PCF11: variants seen among roughly 807,000 people sequenced by gnomAD.
PCF11 encodes PCF11 cleavage and polyadenylation factor subunit, also known as pre-mRNA cleavage complex 2 protein Pcf11.
PCF11 carries 19 observed loss-of-function variants against 166.1 expected under a neutral mutation model. The observed-to-expected ratio is 0.11, with a 90% CI of 0.08 to 0.17. The LOEUF is 0.17. Ranked by LOEUF, PCF11 falls within the 10% of genes least tolerant of loss-of-function variation. The pLI is 1.00. For missense variants in PCF11, 1,565 were observed against 1,855.5 expected, an observed-to-expected ratio of 0.84 and a Z score of 2.88; for synonymous variants, 663 against 644.1, an observed-to-expected ratio of 1.03 and a Z score of -0.44.
rs1299025180 is a variant in PCF11, at chr11:83,164,136, T to C, written c.508-71T>C. On this transcript the variant is annotated intron_variant, in intron 3 of 15. Transcript: ENST00000298281. ...ATTTGGATCATATTAAGAGTTAAGC[T>C]GATAATTTTTACTCCCTAGCTTCCG... The C allele has an allele frequency of 8.7e-6, 9 of 1,032,354 alleles. No homozygotes were observed. The Admixed American group carries it at 1.1e-4, about 13-fold the overall frequency. 63.9% of individuals were successfully genotyped at this position (1,032,354 alleles called of 1,614,324 possible). A position where few individuals can be genotyped will look rare whatever the true frequency, so the allele number is the denominator to read the frequency against.
chr11:83,157,190 C>G (rs1475802157), exon 1 of PCF11: 1 of 575,576 alleles, frequency 1.7e-6, no homozygotes, highest in South Asian at 2.2e-5. Flanking sequence ...ACTGCCGCCG[C>G]CATTTTGTGT....
At chr11:83,164,784 G>C (rs764025361) in intron 4 of PCF11, among the ~76,000 whole-genome samples, 1 of 152,026 alleles carries the variant, frequency 6.6e-6, no homozygotes, top group Non-Finnish European at 1.5e-5. Context: ...GGCTGAGTTG[G>C]AAGGATCACT....
chr11:83,171,937 T>G lies in PCF11; in HGVS notation c.3757+23T>G, dbSNP rs775280901. 4 of 1,102,096 alleles carry G rather than the reference T, an allele frequency of 3.6e-6. No individual in the cohort carries two copies. The East Asian group carries it at 9.4e-5, about 26-fold the overall frequency. The allele number at this position is 1,102,096 out of a possible 1,614,324, so 68.3% of individuals were successfully genotyped here. ...CAGGTATGTACTTTCTGAACTTTGT[T>G]TTTCAAAAGACAAATGATTATTGTT... On this transcript the variant is annotated intron_variant, in intron 9 of 15. Transcript: ENST00000298281.
chr11:83,161,949 G>A (rs1013119649), intron 2 of PCF11, among the ~76,000 whole-genome samples: 2 of 152,164 alleles, frequency 1.3e-5, no homozygotes, highest in Non-Finnish European at 2.9e-5. Flanking sequence ...TTCAAGGTAT[G>A]TTTTAGGTGA....
chr11:83,159,199 CT>C (rs200191207), intron 1 of PCF11, among the ~76,000 whole-genome samples: 29 of 148,528 alleles, frequency 2.0e-4, no homozygotes, highest in South Asian at 4.3e-4. Flanking sequence ...TGTAAAACAG[CT>C]TTTTTTTTTA....
chr11:83,173,719 C>CTTTTTTTTTTTTTTTT (rs869126679), intron 9 of PCF11, among the ~76,000 whole-genome samples: 1 of 59,060 alleles, frequency 1.7e-5, no homozygotes, highest in Non-Finnish European at 3.0e-5. Flanking sequence ...TTCTTTCTTT[C>CTTTTTTTTTTTTTTTT]TTTTTTTTTT....
exon 10 of PCF11, chr11:83,177,090 C>T (rs931951034): frequency 2.0e-6 from 3 of 1,486,400 alleles, no homozygotes; most frequent in Non-Finnish European, 2.7e-6. Context: ...GTTAGGAGCC[C>T]TCCCTAAGGC....
At chr11:83,165,462 AT>A (rs755020779) in intron 4 of PCF11, 137 bp from the exon 5 acceptor site, 65 of 601,278 alleles carry the variant, frequency 1.1e-4, no homozygotes, top group Non-Finnish European at 1.5e-4. Context: ...CAATTTATAC[AT>A]TATAAGTGTA....
chr11:83,184,649 T>C (rs375853064), intron 15 of PCF11, 30 bp from the exon 16 acceptor site: 1 of 1,471,464 alleles, frequency 6.8e-7, no homozygotes, highest in Non-Finnish European at 9.4e-7. Context: ...TGAACTTTCA[T>C]CAGTACTCAT....
chr11:83,168,489 T>C (rs755705488), exon 8 of PCF11: 49 of 1,613,378 alleles, frequency 3.0e-5, no homozygotes, highest in African/African-American at 2.8e-4. Context: ...GACCTCGATA[T>C]GAAGATTCAG....
At chr11:83,163,641 G>T in intron 2 of PCF11, 38 bp from the exon 3 acceptor site, 1 of 760,388 alleles carries the variant, frequency 1.3e-6, no homozygotes, top group Non-Finnish European at 1.9e-6. Context: ...ATATTCTATA[G>T]TAACTTAACA....
At chr11:83,184,973 A>G in exon 16 of PCF11, 1 of 867,190 alleles carries the variant, frequency 1.2e-6, no homozygotes, top group Non-Finnish European at 1.8e-6. Flanking sequence ...TTTTATGTAT[A>G]TATAGACATA....
chr11:83,173,101 A>G (rs188667019), intron 9 of PCF11, among the ~76,000 whole-genome samples: 1 of 152,364 alleles, frequency 6.6e-6, no homozygotes, highest in African/African-American at 2.4e-5. Context: ...CTACTATGTT[A>G]CTTTATAAAT....
chr11:83,180,009 T>G (rs1410135539), intron 11 of PCF11: 1 of 152,162 alleles, frequency 6.6e-6, no homozygotes, highest in Non-Finnish European at 1.5e-5. Flanking sequence ...TTTTTTATTA[T>G]TCAGTATTAA....
exon 5 of PCF11, chr11:83,166,399 G>A (rs761582584): frequency 4.3e-6 from 7 of 1,613,772 alleles, no homozygotes; most frequent in South Asian, 3.3e-5. Flanking sequence ...AGAGATAGGC[G>A]GTCACCCAAA....
chr11:83,165,605 T>G, exon 5 of PCF11: 1 of 1,603,780 alleles, frequency 6.2e-7, no homozygotes, highest in Non-Finnish European at 8.5e-7. Flanking sequence ...TTTAGGCAGT[T>G]TCTCTTAGTG....
At chr11:83,186,219 A>G (rs566182217) in exon 16 of PCF11, 1 of 152,380 alleles carries the variant, frequency 6.6e-6, no homozygotes, top group Non-Finnish European at 1.5e-5. Context: ...AAGGTGGCTA[A>G]GGAAGATTCT....
At chr11:83,160,321 G>GTTTTTTTTTTTTTTTTTT (rs35201107) in intron 1 of PCF11, among the ~76,000 whole-genome samples, 8 of 91,270 alleles carry the variant, frequency 8.8e-5, no homozygotes, top group South Asian at 4.4e-4. Flanking sequence ...GATAACCTAA[G>GTTTTTTTTTTTTTTTTTT]TTTTTTTTTT....
chr11:83,164,008 A>G (rs1439019976), intron 3 of PCF11, 141 bp downstream of exon 3: 1 of 604,828 alleles, frequency 1.7e-6, no homozygotes, highest in East Asian at 2.9e-5. Flanking sequence ...AATAGTGTGT[A>G]TATGTTTGGA....
Sources: gnomAD v4.1 joint callset for allele counts (sites outside exome capture counted in the v4.1 genomes callset) on GRCh38, gnomAD v4.1.1 for gene constraint, MANE v1.5 for transcripts, NCBI Gene and HGNC (gene_info 2026-07-23, HGNC 2026-07-21) for gene names.